Variants in SLC39A11 observed in about 807,000 individuals in gnomAD.
SLC39A11 encodes solute carrier family 39 member 11.
A neutral mutation model predicts 36.1 loss-of-function variants in SLC39A11; 33 were observed. The ratio of observed to expected loss-of-function variants is 0.91; its 90% CI spans 0.69 to 1.22. The LOEUF (loss-of-function observed/expected upper bound fraction) is 1.22. Ranked by LOEUF, SLC39A11 falls within the 50% of genes most tolerant of loss-of-function variation. The pLI is 0.00. For synonymous variants in SLC39A11, 166 were observed against 170.3 expected, an observed-to-expected ratio of 0.97 and a Z score of 0.20; for missense variants, 432 against 430.3, an observed-to-expected ratio of 1.00 and a Z score of -0.03.
At chr17:73,038,819 G>T (rs938277515) in intron 3 of SLC39A11, among the ~76,000 whole-genome samples, 1 of 150,568 alleles carries the variant, frequency 6.6e-6, no homozygotes, top group Non-Finnish European at 1.5e-5. Context: ...GACGAGTTGA[G>T]GTTGAGACTA....
intron 3 of SLC39A11, among the ~76,000 whole-genome samples, chr17:73,042,114 A>T (rs112181505): frequency 3.3e-4 from 51 of 152,340 alleles, no homozygotes; most frequent in African/African-American, 1.2e-3. Context: ...AATAGAAATG[A>T]ATTTGTGAAG....
chr17:72,758,784 C>G (rs1295154960), intron 6 of SLC39A11, among the ~76,000 whole-genome samples: 1 of 152,236 alleles, frequency 6.6e-6, no homozygotes, highest in African/African-American at 2.4e-5. Context: ...GTGGAAGCCA[C>G]AGCTGCCCAG....
intron 3 of SLC39A11, among the ~76,000 whole-genome samples, chr17:73,065,203 G>A (rs1354424607): frequency 1.3e-5 from 2 of 152,008 alleles, no homozygotes; most frequent in Non-Finnish European, 2.9e-5. Flanking sequence ...TCAGGAGTTC[G>A]AGACCAGCCT....
intron 7 of SLC39A11, among the ~76,000 whole-genome samples, chr17:72,657,682 C>G (rs565408164): frequency 6.6e-6 from 1 of 152,334 alleles, no homozygotes; most frequent in Admixed American, 6.5e-5. Context: ...CCCCAGATAA[C>G]TGATGTGAGT....
intron 6 of SLC39A11, among the ~76,000 whole-genome samples, chr17:72,846,570 C>T (rs2079064729): frequency 6.6e-6 from 1 of 152,178 alleles, no homozygotes; most frequent in African/African-American, 2.4e-5. Flanking sequence ...AACTCTGAAC[C>T]ATCCTGGCCT....
chr17:72,990,257 G>A (rs1200076688), intron 4 of SLC39A11, among the ~76,000 whole-genome samples: 1 of 152,060 alleles, frequency 6.6e-6, no homozygotes, highest in Non-Finnish European at 1.5e-5. Context: ...TAAGACTGCC[G>A]GGTTCAGACA....
At chr17:72,908,670 A>G (rs374879505) in intron 5 of SLC39A11, among the ~76,000 whole-genome samples, 1 of 152,208 alleles carries the variant, frequency 6.6e-6, no homozygotes, top group African/African-American at 2.4e-5. Flanking sequence ...GGAGACGGGC[A>G]TGCTGTAGGG....
At chr17:72,794,394 T>C (rs1451705968) in intron 6 of SLC39A11, among the ~76,000 whole-genome samples, 2 of 152,052 alleles carry the variant, frequency 1.3e-5, no homozygotes, top group Non-Finnish European at 2.9e-5. Context: ...TTCTGTTGGG[T>C]CCCAGCCAAT....
rs1466989064 is a variant in SLC39A11 at position 72,666,359 on chromosome 17, G to A, written c.672-17091C>T. Among the ~76,000 whole-genome samples the A allele has an allele frequency of 2.6e-5, 4 of 152,188 alleles. No individual in the cohort carries two copies. The South Asian group carries it at 8.3e-4, about 32-fold the overall frequency. On this transcript the variant is annotated intron_variant, in intron 7 of 9. Transcript: ENST00000255559. Reference sequence around the variant, plus strand: ...CCACTCCAAGAGGAAACTCCAAAACGGCTGCTCAGCAAAACGGCAGTGGAG... The same window carrying A: ...CCACTCCAAGAGGAAACTCCAAAACAGCTGCTCAGCAAAACGGCAGTGGAG...
chr17:72,821,031 G>T (rs2077756742), intron 6 of SLC39A11, among the ~76,000 whole-genome samples: 1 of 151,152 alleles, frequency 6.6e-6, no homozygotes, highest in Non-Finnish European at 1.5e-5. Flanking sequence ...GATGGAGGGT[G>T]TTGCAGATTG....
chr17:73,033,893 C>T (rs1027859701), intron 3 of SLC39A11, among the ~76,000 whole-genome samples: 1 of 152,164 alleles, frequency 6.6e-6, no homozygotes, highest in Non-Finnish European at 1.5e-5. Context: ...GTCAAACATG[C>T]ACAGTCACTT....
intron 7 of SLC39A11, among the ~76,000 whole-genome samples, chr17:72,669,382 C>G (rs1190387583): frequency 6.6e-6 from 1 of 152,176 alleles, no homozygotes; most frequent in African/African-American, 2.4e-5. Context: ...TTTGCCTCCC[C>G]TACTTTGCAA....
At chr17:73,081,105 A>T (rs2060495879) in intron 3 of SLC39A11, among the ~76,000 whole-genome samples, 1 of 152,182 alleles carries the variant, frequency 6.6e-6, no homozygotes, top group African/African-American at 2.4e-5. Context: ...ATCTACAAGG[A>T]ACTCAAACAA....
At position 73,062,568 on chromosome 17, in the gene SLC39A11, T is replaced by C. The variant is rs562164247; in HGVS notation, c.147+22240A>G. ...ATTGCCACCTTCAATAGGATATCAG[T>C]ATGTCTTGCAACAGTTTGCATGTTT... On this transcript the variant is annotated intron_variant, in intron 3 of 9. Transcript: ENST00000255559. Among the ~76,000 whole-genome samples, 47 of 151,604 alleles carry C rather than the reference T, an allele frequency of 3.1e-4. No individual in the cohort carries two copies. The South Asian group carries it at 8.1e-3, about 26-fold the overall frequency.
chr17:72,984,941 C>T lies in SLC39A11; in HGVS notation c.307-37066G>A, dbSNP rs182440466. The stretch of plus-strand genomic sequence containing the variant: ...AATAACTCTAGAGAATTGCACACAG[C>T]AGCAATAACCCTCTTATGGAATCAA... On this transcript the variant is annotated intron_variant, in intron 4 of 9. Transcript: ENST00000255559. Among the ~76,000 whole-genome samples, 10 of 152,316 alleles carry T rather than the reference C, an allele frequency of 6.6e-5. No homozygotes were observed. In the East Asian group the frequency reaches 1.3e-3, roughly 21 times the overall value.
chr17:72,677,792 A>G (rs2071337729), intron 7 of SLC39A11, among the ~76,000 whole-genome samples: 1 of 152,156 alleles, frequency 6.6e-6, no homozygotes, highest in Non-Finnish European at 1.5e-5. Context: ...AACACAGCAG[A>G]GTAGAGGGCC....
chr17:72,928,220 G>A (rs541301717), intron 5 of SLC39A11, among the ~76,000 whole-genome samples: 65 of 152,270 alleles, frequency 4.3e-4, no homozygotes, highest in African/African-American at 1.6e-3. Context: ...TCTCTTCCTG[G>A]GCTTAGTGAA....
intron 6 of SLC39A11, among the ~76,000 whole-genome samples, chr17:72,754,999 T>C (rs1172246435): frequency 1.3e-5 from 2 of 152,202 alleles, no homozygotes; most frequent in Non-Finnish European, 2.9e-5. Context: ...CATCCTTACA[T>C]GAAACCTGCC....
rs1719449725 is a variant in SLC39A11 at position 73,022,481 on chromosome 17, G to A, written c.306+9075C>T. Among the ~76,000 whole-genome samples, 3 of 150,900 alleles carry A rather than the reference G, an allele frequency of 2.0e-5. No homozygotes were observed. In the Admixed American group the frequency reaches 2.0e-4, roughly 10 times the overall value. The stretch of plus-strand genomic sequence containing the variant: ...ATGGTGGTGCACACCTATAATACCA[G>A]CTACCCAGGAGGCTGAGGCAGGAGA... On this transcript the variant is annotated intron_variant, in intron 4 of 9. Coordinates refer to ENST00000255559, the MANE Select transcript of SLC39A11 (RefSeq NM_139177.4).
Sources: allele counts gnomAD v4.1 joint callset (sites outside exome capture counted in the v4.1 genomes callset), GRCh38; gene constraint gnomAD v4.1.1; transcripts MANE v1.5; gene names NCBI Gene and HGNC (gene_info 2026-07-23, HGNC 2026-07-21).